TMEM213: variants seen among roughly 807,000 people sequenced by gnomAD.
TMEM213 encodes the protein transmembrane protein 213.
Under a neutral mutation model 11.6 loss-of-function variants are expected in TMEM213, and 7 were observed. The ratio of observed to expected loss-of-function variants is 0.60; its 90% CI spans 0.34 to 1.13. The LOEUF (loss-of-function observed/expected upper bound fraction) is 1.13, where lower values mean the gene tolerates loss of function less well. TMEM213 is among the 50% of genes most tolerant of loss of function. The probability of loss-of-function intolerance (pLI) is 0.03; values close to 1 mark genes in which losing one functional copy is unlikely to be tolerated. For missense variants in TMEM213, 129 were observed against 139.0 expected (o/e 0.93, Z 0.36); for synonymous variants, 60 against 58.3 (o/e 1.03, Z -0.13).
intron 1 of TMEM213, among the ~76,000 whole-genome samples, chr7:138,799,842 G>A (rs1269709910): frequency 1.3e-5 from 2 of 152,146 alleles, no homozygotes; most frequent in African/African-American, 4.8e-5. Flanking sequence ...AGTGGCTTGG[G>A]GGTTGGGTGG....
Position 138,798,039 on chromosome 7 carries a change from G to T in TMEM213, c.-66G>T. 6.4e-7 allele frequency: 1 copy of T among 1,555,392 alleles called. No individual in the cohort carries two copies. Among genetic ancestry groups the T allele is most frequent in the Non-Finnish European group, 8.7e-7 (1 of 1,149,426 alleles). On this transcript the variant is annotated 5_prime_UTR_variant, in exon 1 of 3. Transcript: ENST00000442682. ...GCAGGTGGGAGTCGACTCACCTGCAGCAGGCACTCGGCACAACTCCGCAGG... is the reference window on the plus strand; with the variant it reads ...GCAGGTGGGAGTCGACTCACCTGCATCAGGCACTCGGCACAACTCCGCAGG...
intron 1 of TMEM213, among the ~76,000 whole-genome samples, chr7:138,798,633 C>T (rs1808814101): frequency 6.6e-6 from 1 of 152,146 alleles, no homozygotes; most frequent in Non-Finnish European, 1.5e-5. Flanking sequence ...TCCTCCATCC[C>T]TCCCTGCCCC....
Position 138,803,438 on chromosome 7 carries a change from C to T in TMEM213, c.*369C>T, listed in dbSNP as rs896188. ...AACCTTCTCACCAAAACCAGGTTAT[C>T]TGCTTCTGTCCCTGGCTTGAGTCCT... is the stretch of plus-strand genomic sequence containing the variant. On this transcript the variant is annotated 3_prime_UTR_variant, in exon 3 of 3. Coordinates refer to ENST00000442682, the MANE Select transcript of TMEM213 (RefSeq NM_001085429.2). 41,407 of 227,598 alleles carry T rather than the reference C, an allele frequency of 0.18. 5,671 individuals carry two copies. The highest frequency in any genetic ancestry group is 0.44 in the African/African-American group (18,762 of 42,208). The allele number at this position is 227,598 out of a possible 1,614,324, so 14.1% of individuals were successfully genotyped here.
chr7:138,799,377 T>A (rs1808852769), intron 1 of TMEM213: 1 of 152,194 alleles, frequency 6.6e-6, no homozygotes, highest in African/African-American at 2.4e-5. Context: ...CTGCACTGAA[T>A]CGTTGGGTCT....
rs1275460198 is a variant in TMEM213 at position 138,803,136 on chromosome 7, G to GCTAA, written c.*69_*72dup. 2 of 1,522,684 alleles carry GCTAA rather than the reference G, an allele frequency of 1.3e-6. No individual in the cohort carries two copies. The highest frequency in any genetic ancestry group is 1.8e-6 in the Non-Finnish European group (2 of 1,125,006). The allele number at this position is 1,522,684 out of a possible 1,614,324, so 94.3% of individuals were successfully genotyped here. On this transcript the variant is annotated 3_prime_UTR_variant, in exon 3 of 3. Coordinates refer to ENST00000442682, the MANE Select transcript of TMEM213 (RefSeq NM_001085429.2). ...GTGGCTAATGGGGAAGGGGAGTAAGGCTAACATGGTTTCTATTATTTAAGT... is the reference window on the plus strand; with the variant it reads ...GTGGCTAATGGGGAAGGGGAGTAAGGCTAACTAACATGGTTTCTATTATTTAAGT...
Position 138,803,021 on chromosome 7 carries a change from C to T in TMEM213, c.276C>T (p.Asp92=). Reference sequence around the variant, plus strand: ...TCACCCTCATCCTGCTCTGTGTGGACAAACTGATGAAGCTGACTCCAGATG... The same window carrying T: ...TCACCCTCATCCTGCTCTGTGTGGATAAACTGATGAAGCTGACTCCAGATG... The part of the protein sequence containing the change: ...WFLTLILLCV[D]KLMKLTPDEP... The change falls in exon 3 of 3, where the codon GAC becomes GAT. Residue 92 remains aspartate, a synonymous_variant. Transcript: ENST00000442682. The T allele has an allele frequency of 6.2e-7, 1 of 1,613,838 alleles. No homozygotes were observed. Among genetic ancestry groups the T allele is most frequent in the Non-Finnish European group, 8.5e-7 (1 of 1,179,896 alleles).
chr7:138,798,153 G>C lies in TMEM213; in HGVS notation c.49G>C (p.Ala17Pro), dbSNP rs200591064. 674 of 1,600,448 alleles carry C rather than the reference G, an allele frequency of 4.2e-4. No homozygotes were observed. Among genetic ancestry groups the C allele is most frequent in the South Asian group, 5.6e-4 (49 of 88,234 alleles). The change falls in exon 1 of 3, where the codon GCC (alanine) becomes CCC (proline). Residue 17 changes from alanine to proline, a missense_variant. Ala to Pro is a conservative substitution (Grantham distance 27). Transcript: ENST00000442682. ...ATRATLILSLAFASLHSACSA... is the reference protein window; with the variant it reads ...ATRATLILSLPFASLHSACSA... ...CCGGGCCACCCTGATCCTCAGCCTG[G>C]CCTTTGCCTCCCTCCACTCGGCTTG...
intron 1 of TMEM213, among the ~76,000 whole-genome samples, chr7:138,800,701 CTT>C (rs1808908308): frequency 8.0e-6 from 1 of 124,316 alleles, no homozygotes; most frequent in Non-Finnish European, 1.7e-5. Context: ...TCTTCTTCTT[CTT>C]CTTTTTTTTT....
Position 138,802,980 on chromosome 7 carries a change from T to A in TMEM213, c.235T>A (p.Trp79Arg), listed in dbSNP as rs1228578047. Residue 79 changes from tryptophan (W) to arginine (R), a missense_variant, in exon 3 of 3, where the codon TGG becomes AGG. Trp to Arg is a moderately radical substitution (Grantham distance 101). Coordinates refer to ENST00000442682, the MANE Select transcript of TMEM213 (RefSeq NM_001085429.2). ...EYGWIAAAVG[W>R]SLWFLTLILL... ...CGGCTGGATCGCGGCAGCTGTTGGC[T>A]GGAGCCTCTGGTTCCTCACCCTCAT... 1.9e-6 allele frequency: 3 copies of A among 1,613,554 alleles called. No individual in the cohort carries two copies. The highest frequency in any genetic ancestry group is 2.5e-6 in the Non-Finnish European group (3 of 1,179,832).
rs1050406206 is a variant in TMEM213 at position 138,805,044 on chromosome 7, G to A, written c.*1975G>A. The A allele has an allele frequency of 6.6e-6, 1 of 152,108 alleles. No individual in the cohort carries two copies. Among genetic ancestry groups the A allele is most frequent in the African/African-American group, 2.4e-5 (1 of 41,416 alleles). 9.4% of individuals were successfully genotyped at this position (152,108 alleles called of 1,614,324 possible). On this transcript the variant is annotated 3_prime_UTR_variant, in exon 3 of 3. Coordinates refer to ENST00000442682, the MANE Select transcript of TMEM213 (RefSeq NM_001085429.2). ...GGCTCTTTCAGAAAATCTAAGTAAA[G>A]TTCCCTGACAACAGAAACTGAAGAG...
At position 138,805,430 on chromosome 7, in the gene TMEM213, G is replaced by C. The variant is rs1269650811; in HGVS notation, c.*2361G>C. 1 of 150,452 alleles carries C rather than the reference G, an allele frequency of 6.6e-6. No homozygotes were observed. Among genetic ancestry groups the C allele is most frequent in the East Asian group, 1.9e-4 (1 of 5,148 alleles). The allele number at this position is 150,452 out of a possible 1,614,324, so 9.3% of individuals were successfully genotyped here. On this transcript the variant is annotated 3_prime_UTR_variant, in exon 3 of 3. Transcript: ENST00000442682. ...AAAAAAAAGCGTCTGCATAATTCCT[G>C]GTGCATTTTGTGGATATACAATATG...
intron 1 of TMEM213, 67 bp from the exon 2 acceptor site, chr7:138,801,260 T>G: frequency 7.0e-7 from 1 of 1,424,706 alleles, no homozygotes; most frequent in Non-Finnish European, 9.7e-7. Flanking sequence ...ACAAAAAACA[T>G]TTCAAAATCT....
At chr7:138,802,714 G>C (rs974737989) in intron 2 of TMEM213, among the ~76,000 whole-genome samples, 186 bp from the exon 3 acceptor site, 33 of 152,294 alleles carry the variant, frequency 2.2e-4, no homozygotes, top group Middle Eastern at 6.8e-3. Context: ...AATAAAAGTC[G>C]CACCTGTCGC....
intron 1 of TMEM213, 28 bp downstream of exon 1, chr7:138,798,214 A>C: frequency 6.4e-7 from 1 of 1,556,586 alleles, no homozygotes; most frequent in Non-Finnish European, 8.7e-7. Flanking sequence ...ATTCATGGCC[A>C]GGCTGGGAAG....
rs1809005746 is a variant in TMEM213, at chr7:138,803,251, T to C, written c.*182T>C. 1.3e-6 allele frequency: 1 copy of C among 745,962 alleles called. No homozygotes were observed. The highest frequency in any genetic ancestry group is 2.1e-6 in the Non-Finnish European group (1 of 473,726). The allele number at this position is 745,962 out of a possible 1,614,324, so 46.2% of individuals were successfully genotyped here. The stretch of plus-strand genomic sequence containing the variant: ...AAGGCAAGCCAGTGCTGCCCTTGCA[T>C]GTCACTCCCAAGGGCCCCTGGGCTG... On this transcript the variant is annotated 3_prime_UTR_variant, in exon 3 of 3. Transcript: ENST00000442682.
chr7:138,802,761 G>A (rs1563031215), intron 2 of TMEM213, 139 bp from the exon 3 acceptor site: 4 of 815,066 alleles, frequency 4.9e-6, no homozygotes, highest in African/African-American at 1.8e-5. Context: ...GTAAAAGCAC[G>A]CAGCACAGTG....
rs1808768419 is a variant in TMEM213, at chr7:138,798,003, T to C, written c.-102T>C. The C allele has an allele frequency of 3.2e-6, 5 of 1,548,494 alleles. No individual in the cohort carries two copies. The Admixed American group carries it at 5.9e-5, about 18-fold the overall frequency. On this transcript the variant is annotated 5_prime_UTR_variant, in exon 1 of 3. Coordinates refer to ENST00000442682, the MANE Select transcript of TMEM213 (RefSeq NM_001085429.2). ...TAAGTTCACCTCTGGCAGAGTTGCT[T>C]TCCAGCTCCTGCAGGTGGGAGTCGA...
At position 138,803,863 on chromosome 7, in the gene TMEM213, C is replaced by T. The variant is rs1163545302; in HGVS notation, c.*794C>T. 1 of 151,792 alleles carries T rather than the reference C, an allele frequency of 6.6e-6. No individual in the cohort carries two copies. Among genetic ancestry groups the T allele is most frequent in the Non-Finnish European group, 1.5e-5 (1 of 68,060 alleles). The allele number at this position is 151,792 out of a possible 1,614,324, so 9.4% of individuals were successfully genotyped here. On this transcript the variant is annotated 3_prime_UTR_variant, in exon 3 of 3. Transcript: ENST00000442682. ...ATCCCAGCACTTTGAGAGACTGAGA[C>T]AGGAGGATCACTTTAGCCCAGGAAT...
intron 2 of TMEM213, 46 bp downstream of exon 2, chr7:138,801,444 G>A: frequency 6.4e-7 from 1 of 1,552,900 alleles, no homozygotes; most frequent in Non-Finnish European, 8.8e-7. Flanking sequence ...CTGGCCCTCA[G>A]CCTGGGAGGG....
Sources: gnomAD v4.1 joint callset for allele counts (sites outside exome capture counted in the v4.1 genomes callset) on GRCh38, gnomAD v4.1.1 for gene constraint, MANE v1.5 for transcripts, NCBI Gene and HGNC (gene_info 2026-07-23, HGNC 2026-07-21) for gene names.